DPP10: variants seen among roughly 807,000 people sequenced by gnomAD.
The protein encoded by DPP10 is inactive dipeptidyl peptidase 10.
Under a neutral mutation model 120.9 loss-of-function variants are expected in DPP10, and 33 were observed. That is an observed-to-expected ratio of 0.27 (90% CI 0.21 to 0.37). DPP10 has a LOEUF of 0.37. DPP10 is among the 10% of genes least tolerant of loss of function. The pLI is 1.00. For missense variants in DPP10, 816 were observed against 942.8 expected (o/e 0.87, Z 1.76); for synonymous variants, 337 against 326.1 (o/e 1.03, Z -0.36).
intron 1 of DPP10, among the ~76,000 whole-genome samples, chr2:114,896,881 A>T (rs1185116891): frequency 2.0e-5 from 3 of 152,120 alleles, no homozygotes; most frequent in Non-Finnish European, 4.4e-5. Flanking sequence ...TTTGTCATAG[A>T]TAGCTCTTAT....
chr2:115,753,061 A>G (rs1356246728), intron 10 of DPP10, 113 bp from the exon 11 acceptor site: 2 of 903,288 alleles, frequency 2.2e-6, no homozygotes, highest in Non-Finnish European at 1.6e-6. Context: ...ATATGTAGCA[A>G]CATCCTTATA....
chr2:115,301,514 C>T (rs1321978396), intron 1 of DPP10, among the ~76,000 whole-genome samples: 29 of 148,256 alleles, frequency 2.0e-4, no homozygotes, highest in Non-Finnish European at 1.9e-4. Context: ...TCCAAGGTGG[C>T]GCAAGCACAA....
rs72951865 is a variant in DPP10 at position 114,547,976 on chromosome 2, A to G, written c.60+105138A>G. On this transcript the variant is annotated intron_variant, in intron 1 of 25. Transcript: ENST00000410059. ...ATGCTGGTGCCTTCTTCTGATAGAA[A>G]AAGGACCAGCAGCCCCACTGCAGGG... 7.6e-3 allele frequency among the ~76,000 whole-genome samples: 1,154 copies of G among 152,168 alleles called. 9 individuals are homozygous for G. Among genetic ancestry groups the G allele is most frequent in the African/African-American group, 0.027 (1,105 of 41,516 alleles).
chr2:115,511,888 A>G (rs2077251100), intron 4 of DPP10, among the ~76,000 whole-genome samples: 1 of 150,742 alleles, frequency 6.6e-6, no homozygotes, highest in Admixed American at 6.6e-5. Context: ...CACCATTCCC[A>G]GCTAATTTTT....
chr2:115,431,126 T>C (rs183273308), intron 3 of DPP10, among the ~76,000 whole-genome samples: 161 of 152,326 alleles, frequency 1.1e-3, no homozygotes, highest in Middle Eastern at 0.01. Context: ...CTTCATGAAC[T>C]AATATAGCTC....
intron 1 of DPP10, among the ~76,000 whole-genome samples, chr2:115,020,573 A>G (rs1702997392): frequency 6.6e-6 from 1 of 152,108 alleles, no homozygotes; most frequent in Admixed American, 6.6e-5. Context: ...GGAGGACTTT[A>G]ATACTCCACC....
At chr2:115,435,465 T>C (rs1234217549) in intron 3 of DPP10, among the ~76,000 whole-genome samples, 1 of 151,952 alleles carries the variant, frequency 6.6e-6, no homozygotes, top group Non-Finnish European at 1.5e-5. Flanking sequence ...CAACATTTTT[T>C]CATATGCCTG....
chr2:114,500,884 T>C (rs1434897752), intron 1 of DPP10, among the ~76,000 whole-genome samples: 1 of 152,122 alleles, frequency 6.6e-6, no homozygotes, highest in African/African-American at 2.4e-5. Context: ...CATGGGAGAC[T>C]GTCAACAGCT....
chr2:115,615,077 A>G (rs1385115903), intron 5 of DPP10, among the ~76,000 whole-genome samples: 2 of 152,110 alleles, frequency 1.3e-5, no homozygotes, highest in Non-Finnish European at 2.9e-5. Context: ...GTGAAAACAT[A>G]TATTTTGGGG....
rs542787228 is a variant in DPP10 at position 114,637,984 on chromosome 2, A to G, written c.60+195146A>G. Among the ~76,000 whole-genome samples the G allele has an allele frequency of 3.9e-5, 6 of 152,060 alleles. No homozygotes were observed. In the South Asian group the frequency reaches 8.3e-4, roughly 21 times the overall value. On this transcript the variant is annotated intron_variant, in intron 1 of 25. Coordinates refer to ENST00000410059, the MANE Select transcript of DPP10 (RefSeq NM_020868.6). ...GCTATTCAGGTTCCTTTCTGGTTCC[A>G]TATAAATTTTAGAATAGTTTTTCTT... is the stretch of plus-strand genomic sequence containing the variant.
At chr2:115,728,036 C>G in intron 8 of DPP10, 100 bp downstream of exon 8, 3 of 1,332,630 alleles carry the variant, frequency 2.3e-6, no homozygotes, top group Non-Finnish European at 3.0e-6. Flanking sequence ...ACTTACAGTA[C>G]AGTTTCTTCT....
intron 1 of DPP10, among the ~76,000 whole-genome samples, chr2:114,779,420 T>C (rs1682069811): frequency 6.6e-6 from 1 of 152,130 alleles, no homozygotes; most frequent in African/African-American, 2.4e-5. Flanking sequence ...CCCAAGGTCC[T>C]AAACCACCTC....
chr2:115,341,708 C>A (rs2106246833), intron 2 of DPP10, among the ~76,000 whole-genome samples: 1 of 152,152 alleles, frequency 6.6e-6, no homozygotes, highest in South Asian at 2.1e-4. Flanking sequence ...ACTATGTAGC[C>A]TTTTCTTACT....
intron 1 of DPP10, among the ~76,000 whole-genome samples, chr2:114,697,057 C>T (rs1700110291): frequency 6.6e-6 from 1 of 152,034 alleles, no homozygotes. Flanking sequence ...GCAAAAGGTA[C>T]TCAGTATAGC....
intron 1 of DPP10, among the ~76,000 whole-genome samples, chr2:114,443,716 T>G (rs1477260975): frequency 6.7e-6 from 1 of 148,364 alleles, no homozygotes; most frequent in Non-Finnish European, 1.5e-5. Context: ...AAAAAAAAAC[T>G]AAAACAAAAA....
chr2:115,295,049 G>A (rs2060823729), intron 1 of DPP10, among the ~76,000 whole-genome samples: 1 of 151,992 alleles, frequency 6.6e-6, no homozygotes, highest in South Asian at 2.1e-4. Context: ...CACGCAAAAT[G>A]AACTTTTAGA....
intron 19 of DPP10, among the ~76,000 whole-genome samples, chr2:115,798,700 A>G (rs1684820514): frequency 6.6e-6 from 1 of 152,206 alleles, no homozygotes; most frequent in Non-Finnish European, 1.5e-5. Context: ...ACTAATAATT[A>G]TTGTATTTTT....
chr2:114,848,370 C>A (rs1404327968), intron 1 of DPP10, among the ~76,000 whole-genome samples: 3 of 152,158 alleles, frequency 2.0e-5, no homozygotes, highest in Non-Finnish European at 4.4e-5. Context: ...CAACTTAAAA[C>A]TACTCTACAG....
intron 1 of DPP10, among the ~76,000 whole-genome samples, chr2:114,938,729 CTTT>C (rs5833569): frequency 1.5e-4 from 15 of 102,546 alleles, no homozygotes; most frequent in Admixed American, 2.0e-4. Flanking sequence ...CACTTTGTCC[CTTT>C]TTTTTTTTTT....
Sources: gnomAD v4.1 joint callset for allele counts (sites outside exome capture counted in the v4.1 genomes callset) on GRCh38, gnomAD v4.1.1 for gene constraint, MANE v1.5 for transcripts, NCBI Gene and HGNC (gene_info 2026-07-23, HGNC 2026-07-21) for gene names.